ANK1: variants seen among roughly 807,000 people sequenced by gnomAD.
The protein encoded by ANK1 is ankyrin 1, also known as ankyrin-1.
A neutral mutation model predicts 210.4 loss-of-function variants in ANK1; 51 were observed. The ratio of observed to expected loss-of-function variants is 0.24; its 90% CI spans 0.19 to 0.31. ANK1 has a LOEUF of 0.31. Ranked by LOEUF, ANK1 falls within the 10% of genes least tolerant of loss-of-function variation. The pLI is 1.00. For missense variants in ANK1, 2,051 were observed against 2,504.4 expected, an observed-to-expected ratio of 0.82 and a Z score of 3.86; for synonymous variants, 967 against 1,025.9, an observed-to-expected ratio of 0.94 and a Z score of 1.10.
rs745525088 is a variant in ANK1 at position 41,714,203 on chromosome 8, C to G, written c.1753G>C (p.Val585Leu). The change falls in exon 16 of 43, where the codon GTC (valine) becomes CTC (leucine). Residue 585 changes from valine to leucine, a missense_variant. Val to Leu is a conservative substitution (Grantham distance 32). Transcript: ENST00000289734. Reference protein sequence around the residue: ...VAVHHNNLDIVKLLLPRGGSP... With the variant: ...VAVHHNNLDILKLLLPRGGSP... Reference sequence around the variant, plus strand: ...CCGCCCCGGGGAAGCAGCAGCTTGACGATGTCCAGGTTGTTGTGATGGACG... The same window carrying G: ...CCGCCCCGGGGAAGCAGCAGCTTGAGGATGTCCAGGTTGTTGTGATGGACG... 2.0e-6 allele frequency: 3 copies of G among 1,501,096 alleles called. No homozygotes were observed. Among genetic ancestry groups the G allele is most frequent in the Non-Finnish European group, 2.7e-6 (3 of 1,111,856 alleles). The allele number at this position is 1,501,096 out of a possible 1,614,324, so 93.0% of individuals were successfully genotyped here.
At chr8:41,677,533 T>C (rs1814549563) in intron 37 of ANK1, among the ~76,000 whole-genome samples, 2 of 152,058 alleles carry the variant, frequency 1.3e-5, no homozygotes. Context: ...AGATGTGGCA[T>C]ACTTTAAAGA....
chr8:41,749,617 C>CTT (rs368621785), intron 2 of ANK1, among the ~76,000 whole-genome samples: 15 of 123,868 alleles, frequency 1.2e-4, no homozygotes, highest in African/African-American at 3.9e-4. Context: ...ACTTCTTCTT[C>CTT]TTTTTTTTTT....
intron 1 of ANK1, among the ~76,000 whole-genome samples, chr8:41,852,435 G>A (rs770986704): frequency 5.3e-5 from 8 of 152,238 alleles, no homozygotes; most frequent in South Asian, 2.1e-4. Flanking sequence ...CTGATGACCC[G>A]GGCACCTCCT....
chr8:41,665,561 C>T, intron 39 of ANK1: 1 of 321,510 alleles, frequency 3.1e-6, no homozygotes. Flanking sequence ...TCCGAGAAAG[C>T]AGCTACTTGT....
intron 1 of ANK1, among the ~76,000 whole-genome samples, chr8:41,779,151 T>A (rs148147917): frequency 2.0e-5 from 3 of 152,168 alleles, no homozygotes; most frequent in Non-Finnish European, 4.4e-5. Context: ...GTAAGCTCCA[T>A]GCAGTGGGAG....
chr8:41,878,055 A>G (rs148246234), intron 1 of ANK1, among the ~76,000 whole-genome samples: 18 of 152,382 alleles, frequency 1.2e-4, no homozygotes, highest in Non-Finnish European at 2.5e-4. Context: ...AAGCATGTGC[A>G]TGAACATTCT....
At chr8:41,810,487 T>C (rs1453648022) in intron 1 of ANK1, among the ~76,000 whole-genome samples, 1 of 152,226 alleles carries the variant, frequency 6.6e-6, no homozygotes, top group Non-Finnish European at 1.5e-5. Context: ...GGTGAAGCCA[T>C]CTGTGGCCCC....
At chr8:41,739,495 G>A (rs893257741) in intron 2 of ANK1, among the ~76,000 whole-genome samples, 12 of 128,380 alleles carry the variant, frequency 9.3e-5, no homozygotes, top group African/African-American at 2.8e-4. Flanking sequence ...TTTGTCTCTC[G>A]ACAATAGTTC....
Position 41,694,846 on chromosome 8 carries a change from A to G in ANK1, c.3116-43T>C, listed in dbSNP as rs1563454199. On this transcript the variant is annotated intron_variant, in intron 27 of 42. Coordinates refer to ENST00000289734, the MANE Select transcript of ANK1 (RefSeq NM_000037.4). The surrounding 1 kb of genome is among the most constrained non-coding windows in gnomAD (Gnocchi z 5.7). Reference sequence around the variant, plus strand: ...GGCCACCACCCCGGTCACATCAGGCACAGGTTCAGGACTTCCAGGGGCCCC... The same window carrying G: ...GGCCACCACCCCGGTCACATCAGGCGCAGGTTCAGGACTTCCAGGGGCCCC... 6 of 1,601,518 alleles carry G rather than the reference A, an allele frequency of 3.7e-6. No homozygotes were observed. The highest frequency in any genetic ancestry group is 5.1e-6 in the Non-Finnish European group (6 of 1,171,120).
chr8:41,844,975 C>G (rs569153856), intron 1 of ANK1, among the ~76,000 whole-genome samples: 77 of 152,212 alleles, frequency 5.1e-4, no homozygotes, highest in African/African-American at 1.9e-3. Context: ...CTGCACCAGC[C>G]CCAGGATTGC....
rs114557187 is a variant in ANK1, at chr8:41,726,678, C to T, written c.426+572G>A. On this transcript the variant is annotated intron_variant, in intron 5 of 42. Transcript: ENST00000289734. ...GTTGGATTATAGGCATGAGCCACTG[C>T]GCTTGGCCATGAGCTACTATTATTA... is the stretch of plus-strand genomic sequence containing the variant. Among the ~76,000 whole-genome samples the T allele has an allele frequency of 4.6e-3, 707 of 152,272 alleles. 5 individuals are homozygous for T. The highest frequency in any genetic ancestry group is 0.013 in the African/African-American group (528 of 41,530).
intron 1 of ANK1, among the ~76,000 whole-genome samples, chr8:41,875,052 T>C (rs550641799): frequency 2.0e-5 from 3 of 152,208 alleles, no homozygotes; most frequent in Admixed American, 6.5e-5. Flanking sequence ...TCTCGGTCCA[T>C]ATATGGGGCT....
At chr8:41,719,513 C>A in intron 10 of ANK1, 148 bp downstream of exon 10, 1 of 1,025,464 alleles carries the variant, frequency 9.8e-7, no homozygotes, top group Non-Finnish European at 1.5e-6. Context: ...CCCCACCATC[C>A]AGTGCTGTCA....
At chr8:41,709,961 G>A (rs1825695255) in intron 16 of ANK1, among the ~76,000 whole-genome samples, 2 of 152,214 alleles carry the variant, frequency 1.3e-5, no homozygotes, top group African/African-American at 4.8e-5. Context: ...ATGCACCTGT[G>A]TGTCATGGTT....
intron 33 of ANK1, among the ~76,000 whole-genome samples, 174 bp downstream of exon 33, chr8:41,690,053 G>A (rs774724156): frequency 6.6e-6 from 1 of 152,174 alleles, no homozygotes; most frequent in African/African-American, 2.4e-5. Context: ...TGGTCTCCCC[G>A]CCAGGCCACA....
chr8:41,800,267 AT>A (rs1353205141), upstream of ANK1, among the ~76,000 whole-genome samples: 4 of 152,116 alleles, frequency 2.6e-5, no homozygotes, highest in African/African-American at 9.7e-5. Flanking sequence ...TTGACAAAAT[AT>A]TTAGTCATAC....
At chr8:41,740,903 G>C (rs1052522054) in intron 2 of ANK1, among the ~76,000 whole-genome samples, 1 of 152,220 alleles carries the variant, frequency 6.6e-6, no homozygotes, top group Non-Finnish European at 1.5e-5. Context: ...GGATTAACAG[G>C]CCTGCTCTTA....
At chr8:41,894,323 G>C (rs191647332) in intron 1 of ANK1, among the ~76,000 whole-genome samples, 85 of 151,916 alleles carry the variant, frequency 5.6e-4, no homozygotes, top group Middle Eastern at 6.8e-3. Flanking sequence ...TGCTGCGACC[G>C]GCTAGTAAAA....
At position 41,665,962 on chromosome 8, in the gene ANK1, C is replaced by T. The variant is rs997112653; in HGVS notation, c.5395-2220G>A. The T allele has an allele frequency of 2.6e-5, 4 of 152,242 alleles. No individual in the cohort carries two copies. The South Asian group carries it at 6.2e-4, about 24-fold the overall frequency. The allele number at this position is 152,242 out of a possible 1,614,324, so 9.4% of individuals were successfully genotyped here. A position where few individuals can be genotyped will look rare whatever the true frequency, so the allele number is the denominator to read the frequency against. ...TACAGAGCTGATTCACAAATGTAGCCGCAGCAGCTGCGGCTGGAAAAAATT... is the reference window on the plus strand; with the variant it reads ...TACAGAGCTGATTCACAAATGTAGCTGCAGCAGCTGCGGCTGGAAAAAATT... On this transcript the variant is annotated intron_variant, in intron 39 of 42. Transcript: ENST00000289734.
Sources: allele counts gnomAD v4.1 joint callset (sites outside exome capture counted in the v4.1 genomes callset), GRCh38; gene constraint gnomAD v4.1.1; non-coding constraint Gnocchi (gnomAD v3.1); transcripts MANE v1.5; gene names NCBI Gene and HGNC (gene_info 2026-07-23, HGNC 2026-07-21).